NUP54: variants seen among roughly 807,000 people sequenced by gnomAD.
The protein encoded by NUP54 is nucleoporin p54.
A neutral mutation model predicts 66.4 loss-of-function variants in NUP54; 27 were observed. The observed-to-expected ratio is 0.41, with a 90% CI of 0.30 to 0.56. The LOEUF is 0.56. NUP54 is among the 20% of genes least tolerant of loss of function. The pLI, the probability that NUP54 is intolerant of heterozygous loss-of-function variation, is 0.34. For missense variants in NUP54, 486 were observed against 596.3 expected (o/e 0.82, Z 1.93); for synonymous variants, 206 against 210.7 (o/e 0.98, Z 0.19).
chr4:76,118,240 A>G lies in NUP54; in HGVS notation c.1165-46T>C, dbSNP rs765037949. 8.4e-6 allele frequency: 13 copies of G among 1,553,344 alleles called. No homozygotes were observed. In the African/African-American group the frequency reaches 1.8e-4, roughly 21 times the overall value. On this transcript the variant is annotated intron_variant, in intron 9 of 11. Transcript: ENST00000264883. Reference sequence around the variant, plus strand: ...AATAACAACAGAATCATCTCTTTTTAGTTATGCAAGTAGTAGTAGTACAAT... The same window carrying G: ...AATAACAACAGAATCATCTCTTTTTGGTTATGCAAGTAGTAGTAGTACAAT...
chr4:76,133,383 G>A (rs956035521), intron 5 of NUP54, among the ~76,000 whole-genome samples: 3 of 151,304 alleles, frequency 2.0e-5, no homozygotes, highest in African/African-American at 7.3e-5. Context: ...TTGGCTCACT[G>A]CAAGCTCCGC....
chr4:76,141,954 T>A (rs1196652266), intron 3 of NUP54, among the ~76,000 whole-genome samples: 1 of 152,212 alleles, frequency 6.6e-6, no homozygotes, highest in Non-Finnish European at 1.5e-5. Flanking sequence ...AACCATGCCA[T>A]GTTATTTCCT....
chr4:76,118,437 G>A (rs1730056873), intron 9 of NUP54: 2 of 411,910 alleles, frequency 4.9e-6, no homozygotes, highest in Non-Finnish European at 9.0e-6. Context: ...CCAGGCTGAA[G>A]TGCAGTGGCG....
chr4:76,127,001 T>C (rs1730564816), intron 8 of NUP54, among the ~76,000 whole-genome samples: 1 of 151,994 alleles, frequency 6.6e-6, no homozygotes, highest in Non-Finnish European at 1.5e-5. Context: ...AAATGTGGAA[T>C]GGGTGGGTAT....
intron 1 of NUP54, among the ~76,000 whole-genome samples, chr4:76,145,339 AT>A (rs1440479512): frequency 1.3e-4 from 19 of 145,154 alleles, no homozygotes; most frequent in Non-Finnish European, 2.7e-4. Flanking sequence ...AAAAAAAAAA[AT>A]TTATTGGTTT....
chr4:76,118,308 G>C, intron 9 of NUP54, 114 bp from the exon 10 acceptor site: 1 of 877,758 alleles, frequency 1.1e-6, no homozygotes, highest in South Asian at 1.6e-5. Flanking sequence ...CAACAGTAGG[G>C]TTCAACAGTT....
At chr4:76,142,867 T>A (rs74702196) in intron 3 of NUP54, among the ~76,000 whole-genome samples, 1 of 151,978 alleles carries the variant, frequency 6.6e-6, no homozygotes, top group Admixed American at 6.6e-5. Flanking sequence ...TAAAAAAAAA[T>A]TGGTCATCTT....
chr4:76,123,379 C>T (rs755988290), intron 9 of NUP54, among the ~76,000 whole-genome samples: 1 of 151,968 alleles, frequency 6.6e-6, no homozygotes, highest in African/African-American at 2.4e-5. Flanking sequence ...TTCATTTTTC[C>T]AACTGTTTCT....
chr4:76,135,674 G>A (rs930597072), intron 4 of NUP54, among the ~76,000 whole-genome samples: 3 of 152,336 alleles, frequency 2.0e-5, no homozygotes. Context: ...TATGGAAAAT[G>A]CATTACCAAA....
chr4:76,127,789 G>C (rs1730608168), intron 8 of NUP54, among the ~76,000 whole-genome samples: 1 of 152,124 alleles, frequency 6.6e-6, no homozygotes, highest in African/African-American at 2.4e-5. Context: ...AATGATTACT[G>C]AAGTTCAATA....
At chr4:76,122,484 T>G (rs1295117183) in intron 9 of NUP54, among the ~76,000 whole-genome samples, 1 of 152,234 alleles carries the variant, frequency 6.6e-6, no homozygotes, top group African/African-American at 2.4e-5. Flanking sequence ...TTCTTTTGTA[T>G]AATGTTATAT....
At position 76,131,350 on chromosome 4, in the gene NUP54, G is replaced by A. The variant is rs1013653843; in HGVS notation, c.908-66C>T. On this transcript the variant is annotated intron_variant, in intron 6 of 11. Coordinates refer to ENST00000264883, the MANE Select transcript of NUP54 (RefSeq NM_017426.4). Reference sequence around the variant, plus strand: ...ATTTTTATAATATGTGTATGACAAAGGCTTTCCTAAAGCAAGACCCTATAC... The same window carrying A: ...ATTTTTATAATATGTGTATGACAAAAGCTTTCCTAAAGCAAGACCCTATAC... 1.7e-5 allele frequency: 16 copies of A among 963,324 alleles called. No homozygotes were observed. In the African/African-American group the frequency reaches 2.0e-4, roughly 12 times the overall value. 59.7% of individuals were successfully genotyped at this position (963,324 alleles called of 1,614,324 possible).
chr4:76,142,922 TAAAGAG>T (rs1731323051), intron 3 of NUP54, among the ~76,000 whole-genome samples: 1 of 152,012 alleles, frequency 6.6e-6, no homozygotes, highest in Non-Finnish European at 1.5e-5. Context: ...AAACCAGTAA[TAAAGAG>T]AAAGAATCAA....
At chr4:76,116,548 T>A (rs1168087940) in intron 11 of NUP54, among the ~76,000 whole-genome samples, 3 of 152,160 alleles carry the variant, frequency 2.0e-5, no homozygotes, top group Admixed American at 1.3e-4. Context: ...TTTCACACAA[T>A]GTGAAAACCC....
In NUP54 at chr4:76,146,529, G is replaced by T. The variant is rs74645793; in HGVS notation, c.67+1779C>A. The stretch of plus-strand genomic sequence containing the variant: ...CAGATGCTAGGGTGATAATCACATT[G>T]CAGTAACCAGTGAATGAACAAAATA... On this transcript the variant is annotated intron_variant, in intron 1 of 11. Coordinates refer to ENST00000264883, the MANE Select transcript of NUP54 (RefSeq NM_017426.4). Among the ~76,000 whole-genome samples the T allele has an allele frequency of 8.7e-3, 1,323 of 152,242 alleles. 13 individuals are homozygous for T. Among genetic ancestry groups the T allele is most frequent in the Middle Eastern group, 0.017 (5 of 294 alleles).
In NUP54 at chr4:76,132,694, CAACAACATAAAT is replaced by C. The variant is rs773124535; in HGVS notation, c.724_735del (p.Ile242_Val245del). 6.2e-7 allele frequency: 1 copy of C among 1,613,046 alleles called. No homozygotes were observed. The highest frequency in any genetic ancestry group is 8.5e-7 in the Non-Finnish European group (1 of 1,179,654). On this transcript the variant is annotated inframe_deletion, in exon 6 of 12. Coordinates refer to ENST00000264883, the MANE Select transcript of NUP54 (RefSeq NM_017426.4). ...CTTGAAGTACCATTTGGCGAACGCT[CAACAACATAAAT>C]AACAACTTCTGTCCTGAAGGAAGAA...
At chr4:76,123,829 T>C (rs1730342786) in intron 9 of NUP54, among the ~76,000 whole-genome samples, 1 of 152,184 alleles carries the variant, frequency 6.6e-6, no homozygotes. Context: ...AGTATCTTCT[T>C]ATTCTGTTTT....
intron 1 of NUP54, among the ~76,000 whole-genome samples, chr4:76,145,259 A>G (rs559393983): frequency 1.4e-5 from 2 of 148,126 alleles, no homozygotes; most frequent in South Asian, 2.1e-4. Flanking sequence ...TGGAGCTTGC[A>G]GTGAGCCAAG....
rs1228565758 is a variant in NUP54, at chr4:76,130,769, A to T, written c.963-20T>A. Reference sequence around the variant, plus strand: ...ATTAACCTGAAGAAACGCAGTGAACAATTTTCAGACCTTAAGCCTATTACT... The same window carrying T: ...ATTAACCTGAAGAAACGCAGTGAACTATTTTCAGACCTTAAGCCTATTACT... On this transcript the variant is annotated intron_variant, in intron 7 of 11. Coordinates refer to ENST00000264883, the MANE Select transcript of NUP54 (RefSeq NM_017426.4). The T allele has an allele frequency of 6.6e-7, 1 of 1,523,332 alleles. No individual in the cohort carries two copies. The allele number at this position is 1,523,332 out of a possible 1,614,324, so 94.4% of individuals were successfully genotyped here.
Sources: allele counts gnomAD v4.1 joint callset (sites outside exome capture counted in the v4.1 genomes callset), GRCh38; gene constraint gnomAD v4.1.1; transcripts MANE v1.5; gene names NCBI Gene and HGNC (gene_info 2026-07-23, HGNC 2026-07-21).